The following ZNF331 variants were observed in gnomAD, a reference collection of about 807,000 sequenced individuals.
The protein encoded by ZNF331 is C2H2-like zinc finger protein rearranged in thyroid adenomas.
ZNF331 carries 2 observed loss-of-function variants against 7.0 expected under a neutral mutation model. The ratio of observed to expected loss-of-function variants is 0.29; its 90% CI spans 0.12 to 0.90. ZNF331 has a LOEUF of 0.90. ZNF331 is among the 40% of genes least tolerant of loss of function. The probability of loss-of-function intolerance (pLI) is 0.58; values close to 1 mark genes in which losing one functional copy is unlikely to be tolerated. For synonymous variants in ZNF331, 196 were observed against 205.4 expected (o/e 0.95, Z 0.39); for missense variants, 432 against 587.7 (o/e 0.74, Z 2.74).
At chr19:53,511,198 T>C in the ZNF331 span, among the ~76,000 whole-genome samples, 1 of 152,162 alleles carries the variant, frequency 6.6e-6, no homozygotes, top group African/African-American at 2.4e-5. Context: ...TATGTAATTA[T>C]CTAAAGTATA....
At chr19:53,552,206 A>G (rs919271007) in intron 2 of ZNF331, among the ~76,000 whole-genome samples, 1 of 152,126 alleles carries the variant, frequency 6.6e-6, no homozygotes, top group Non-Finnish European at 1.5e-5. Flanking sequence ...ATCTTCTAAG[A>G]TCATATTATT....
At position 53,579,583 on chromosome 19, in the gene ZNF331, C is replaced by T. The variant is rs2090853472; in HGVS notation, c.*1631C>T. 5.0e-6 allele frequency: 1 copy of T among 200,864 alleles called. No homozygotes were observed. Among genetic ancestry groups the T allele is most frequent in the Non-Finnish European group, 1.0e-5 (1 of 97,226 alleles). 12.4% of individuals were successfully genotyped at this position (200,864 alleles called of 1,614,324 possible). ...ATTGTTGTTTTTATGATCATTACTA[C>T]CATTTGTGTTGCCATTAGTGAATTT... is the stretch of plus-strand genomic sequence containing the variant. On this transcript the variant is annotated 3_prime_UTR_variant, in exon 6 of 6. Coordinates refer to ENST00000449416, the MANE Select transcript of ZNF331 (RefSeq NM_001079906.2).
intron 3 of ZNF331, among the ~76,000 whole-genome samples, chr19:53,562,582 TG>T (rs1171381586): frequency 6.7e-6 from 1 of 149,520 alleles, no homozygotes; most frequent in Non-Finnish European, 1.5e-5. Flanking sequence ...CCCAGCTTCT[TG>T]GGAGGCTGAG....
chr19:53,579,652 C>T lies in ZNF331; in HGVS notation c.*1700C>T, dbSNP rs1003288471. The T allele has an allele frequency of 1.0e-5, 2 of 199,816 alleles. No homozygotes were observed. Among genetic ancestry groups the T allele is most frequent in the African/African-American group, 4.6e-5 (2 of 43,434 alleles). The allele number at this position is 199,816 out of a possible 1,614,324, so 12.4% of individuals were successfully genotyped here. ...TGGGTGCAATGAGTCTGGAAAAGACCATTGAGTCTTCTAGAAGAAAACATT... is the reference window on the plus strand; with the variant it reads ...TGGGTGCAATGAGTCTGGAAAAGACTATTGAGTCTTCTAGAAGAAAACATT... On this transcript the variant is annotated 3_prime_UTR_variant, in exon 6 of 6. Transcript: ENST00000449416.
At chr19:53,557,862 G>A (rs1487334606) in intron 3 of ZNF331, among the ~76,000 whole-genome samples, 1 of 152,216 alleles carries the variant, frequency 6.6e-6, no homozygotes, top group Non-Finnish European at 1.5e-5. Flanking sequence ...TACTCAGGAG[G>A]CTGAGGCAGG....
In ZNF331 at chr19:53,560,694, C is replaced by T. The variant is rs1600414957; in HGVS notation, c.-74+4786C>T. On this transcript the variant is annotated intron_variant, in intron 3 of 5. Transcript: ENST00000449416. This position sits in a 1 kb window ranked among gnomAD's most constrained non-coding sequence, Gnocchi z 4.3. ...CCTTGCTTTTGCTGGCTTCTAGACG[C>T]CGCCCACACTCCTTAGTTCGTGACC... 6.6e-6 allele frequency among the ~76,000 whole-genome samples: 1 copy of T among 152,096 alleles called. No homozygotes were observed. Among genetic ancestry groups the T allele is most frequent in the Admixed American group, 6.6e-5 (1 of 15,262 alleles).
chr19:53,515,179 G>C (rs572221022), upstream of ZNF331, among the ~76,000 whole-genome samples: 1 of 152,090 alleles, frequency 6.6e-6, no homozygotes, highest in Non-Finnish European at 1.5e-5. Flanking sequence ...TAGTTCTCCT[G>C]CTCCGCGTTC....
At chr19:53,527,017 C>T (rs957394779) in intron 2 of ZNF331, among the ~76,000 whole-genome samples, 5 of 151,468 alleles carry the variant, frequency 3.3e-5, no homozygotes, top group East Asian at 2.0e-4. Context: ...GGTGAAACCC[C>T]GTCTCTACTA....
At chr19:53,550,413 A>G (rs1162101647) in intron 2 of ZNF331, among the ~76,000 whole-genome samples, 2 of 152,100 alleles carry the variant, frequency 1.3e-5, no homozygotes, top group South Asian at 2.1e-4. Flanking sequence ...AAGAGCTCCA[A>G]TGCTGGATGC....
At chr19:53,515,979 C>A (rs1276584373), upstream of ZNF331, among the ~76,000 whole-genome samples, 1 of 152,174 alleles carries the variant, frequency 6.6e-6, no homozygotes, top group African/African-American at 2.4e-5. Context: ...CACAGAAATT[C>A]TGCCATTTAT....
At chr19:53,569,638 A>C (rs2147640950) in intron 4 of ZNF331, among the ~76,000 whole-genome samples, 1 of 152,228 alleles carries the variant, frequency 6.6e-6, no homozygotes, top group South Asian at 2.1e-4. Context: ...TGAAGTAGCA[A>C]AGTCCTTTGA....
the ZNF331 span, among the ~76,000 whole-genome samples, chr19:53,514,166 T>C: frequency 2.6e-5 from 4 of 152,134 alleles, no homozygotes; most frequent in Non-Finnish European, 5.9e-5. Flanking sequence ...AACACATTTA[T>C]ATATGCTGAT....
At chr19:53,576,344 C>G (rs2090722105) in intron 5 of ZNF331, among the ~76,000 whole-genome samples, 1 of 152,186 alleles carries the variant, frequency 6.6e-6, no homozygotes, top group Admixed American at 6.5e-5. Flanking sequence ...TTTCAGAATG[C>G]TTTACACACA....
At chr19:53,535,733 C>T (rs891592611), upstream of ZNF331, among the ~76,000 whole-genome samples, 4 of 151,276 alleles carry the variant, frequency 2.6e-5, no homozygotes, top group Non-Finnish European at 5.9e-5. Context: ...GTGCAAGTAA[C>T]GAATATTGAC....
intron 3 of ZNF331, among the ~76,000 whole-genome samples, chr19:53,567,489 A>G (rs1016469263): frequency 3.9e-5 from 6 of 152,030 alleles, no homozygotes; most frequent in Non-Finnish European, 7.4e-5. Context: ...TGCATAGAAG[A>G]CCACCCTCAC....
rs2089611196 is a variant in ZNF331, at chr19:53,558,929, TACAC to T, written c.-74+3024_-74+3027del. Among the ~76,000 whole-genome samples, 3 of 113,522 alleles carry T rather than the reference TACAC, an allele frequency of 2.6e-5. No homozygotes were observed. The highest frequency in any genetic ancestry group is 4.9e-4 in the South Asian group (2 of 4,110). 74.5% of individuals were successfully genotyped at this position (113,522 alleles called of 152,430 possible). ...ACACACCTACATATATACACACACA[TACAC>T]ACCATACACACATATACACATACCA... On this transcript the variant is annotated intron_variant, in intron 3 of 5. Coordinates refer to ENST00000449416, the MANE Select transcript of ZNF331 (RefSeq NM_001079906.2). This position sits in a 1 kb window ranked among gnomAD's most constrained non-coding sequence, Gnocchi z 4.5.
At chr19:53,528,822 T>G (rs1166529540) in intron 2 of ZNF331, among the ~76,000 whole-genome samples, 2 of 152,110 alleles carry the variant, frequency 1.3e-5, no homozygotes, top group Admixed American at 1.3e-4. Flanking sequence ...TCTCGCTCTG[T>G]TGCCCAGGCT....
chr19:53,513,122 TC>T, the ZNF331 span, among the ~76,000 whole-genome samples: 1 of 151,102 alleles, frequency 6.6e-6, no homozygotes, highest in African/African-American at 2.4e-5. Flanking sequence ...TCCTCTTCTG[TC>T]CCCAGTTCCT....
intron 2 of ZNF331, among the ~76,000 whole-genome samples, chr19:53,540,212 T>C (rs1053421412): frequency 2.0e-5 from 3 of 152,198 alleles, no homozygotes; most frequent in South Asian, 2.1e-4. Flanking sequence ...CAAAGTACCA[T>C]AGACCGGTGG....
Sources: gnomAD v4.1 joint callset for allele counts (sites outside exome capture counted in the v4.1 genomes callset) on GRCh38, gnomAD v4.1.1 for gene constraint, Gnocchi (gnomAD v3.1) non-coding constraint, MANE v1.5 for transcripts, NCBI Gene and HGNC (gene_info 2026-07-23, HGNC 2026-07-21) for gene names.